BBX: variants seen among roughly 807,000 people sequenced by gnomAD.
BBX encodes the protein HMG box transcription factor BBX.
A neutral mutation model predicts 100.2 loss-of-function variants in BBX; 30 were observed. The ratio of observed to expected loss-of-function variants is 0.30; its 90% CI spans 0.22 to 0.41. The LOEUF is 0.41. BBX is among the 10% of genes least tolerant of loss of function. The pLI, the probability that BBX is intolerant of heterozygous loss-of-function variation, is 1.00. For missense variants in BBX, 1,023 were observed against 1,129.8 expected (o/e 0.91, Z 1.35); for synonymous variants, 376 against 388.1 (o/e 0.97, Z 0.37).
chr3:107,805,459 G>A lies in BBX; in HGVS notation c.*2G>A. ...CTTATTTCCTGCGCTGACCAGTGAAGCGCCCTTTCATTGTAAAACATTGTG... is the reference window on the plus strand; with the variant it reads ...CTTATTTCCTGCGCTGACCAGTGAAACGCCCTTTCATTGTAAAACATTGTG... On this transcript the variant is annotated 3_prime_UTR_variant, in exon 18 of 18. Coordinates refer to ENST00000325805, the MANE Select transcript of BBX (RefSeq NM_001142568.3). The A allele has an allele frequency of 6.2e-7, 1 of 1,614,174 alleles. No homozygotes were observed. The highest frequency in any genetic ancestry group is 8.5e-7 in the Non-Finnish European group (1 of 1,180,000).
chr3:107,649,721 A>AGGC (rs1246636864), intron 3 of BBX, among the ~76,000 whole-genome samples: 3 of 152,200 alleles, frequency 2.0e-5, no homozygotes, highest in Non-Finnish European at 4.4e-5. Flanking sequence ...ATAAGAACTT[A>AGGC]GGCATTCTTC....
intron 2 of BBX, among the ~76,000 whole-genome samples, chr3:107,634,020 C>G (rs2056707749): frequency 6.6e-6 from 1 of 152,218 alleles, no homozygotes; most frequent in Admixed American, 6.5e-5. Context: ...AGTGTTGGCT[C>G]ATATTACAAT....
intron 2 of BBX, among the ~76,000 whole-genome samples, chr3:107,613,691 T>C (rs746120651): frequency 1.3e-5 from 2 of 152,072 alleles, no homozygotes; most frequent in East Asian, 3.9e-4. Context: ...TCAATACATA[T>C]GCTTTTTGTT....
At chr3:107,791,552 G>A (rs2069039691) in intron 15 of BBX, among the ~76,000 whole-genome samples, 2 of 152,174 alleles carry the variant, frequency 1.3e-5, no homozygotes, top group South Asian at 2.1e-4. Context: ...ATTAATCAGA[G>A]ATTGGAGTTT....
chr3:107,791,956 G>C (rs1327460515), intron 15 of BBX, among the ~76,000 whole-genome samples: 1 of 152,144 alleles, frequency 6.6e-6, no homozygotes, highest in Non-Finnish European at 1.5e-5. Context: ...AGCCAAGATC[G>C]TACCACTGCA....
intron 2 of BBX, among the ~76,000 whole-genome samples, chr3:107,565,619 A>G (rs1454512932): frequency 6.6e-6 from 1 of 151,500 alleles, no homozygotes; most frequent in Non-Finnish European, 1.5e-5. Context: ...ACAGATGCCC[A>G]CCACCATGCC....
At chr3:107,779,764 C>T (rs1421193818) in intron 13 of BBX, among the ~76,000 whole-genome samples, 1 of 151,988 alleles carries the variant, frequency 6.6e-6, no homozygotes, top group Non-Finnish European at 1.5e-5. Flanking sequence ...GAAACCTGAA[C>T]CTTTCTCCTT....
intron 3 of BBX, chr3:107,684,694 A>G (rs936135746): frequency 8.5e-5 from 13 of 152,334 alleles, no homozygotes; most frequent in African/African-American, 2.6e-4. Context: ...TGAATCATCA[A>G]TGTCAGCTAT....
chr3:107,564,566 C>T (rs1319612847), intron 2 of BBX, among the ~76,000 whole-genome samples: 3 of 152,132 alleles, frequency 2.0e-5, no homozygotes. Context: ...CTTTTTGTCC[C>T]TCCCATCATC....
At chr3:107,661,576 A>C (rs1476698685) in intron 3 of BBX, among the ~76,000 whole-genome samples, 1 of 152,202 alleles carries the variant, frequency 6.6e-6, no homozygotes, top group African/African-American at 2.4e-5. Context: ...TGACGGTATC[A>C]CAGATTTAGT....
intron 3 of BBX, among the ~76,000 whole-genome samples, chr3:107,670,423 T>C (rs1036616647): frequency 1.6e-4 from 24 of 152,204 alleles, no homozygotes; most frequent in Non-Finnish European, 2.5e-4. Flanking sequence ...AAGGAAGATA[T>C]TGAATGTTCC....
At chr3:107,628,249 A>T (rs757459204) in intron 2 of BBX, among the ~76,000 whole-genome samples, 1 of 152,118 alleles carries the variant, frequency 6.6e-6, no homozygotes, top group Non-Finnish European at 1.5e-5. Flanking sequence ...ATAGAAAGGT[A>T]TAAAGGATTC....
chr3:107,789,650 A>G, intron 13 of BBX, 137 bp from the exon 14 acceptor site: 1 of 587,882 alleles, frequency 1.7e-6, no homozygotes, highest in Non-Finnish European at 2.9e-6. Context: ...AAGTAGGTGA[A>G]GATGCAAGAT....
At chr3:107,634,820 C>T (rs902865681) in intron 2 of BBX, among the ~76,000 whole-genome samples, 18 of 152,172 alleles carry the variant, frequency 1.2e-4, no homozygotes, top group African/African-American at 4.1e-4. Flanking sequence ...TTTAATGATT[C>T]CTTTCTTTCT....
intron 2 of BBX, among the ~76,000 whole-genome samples, chr3:107,617,334 T>C (rs1227679291): frequency 2.0e-5 from 3 of 152,228 alleles, no homozygotes; most frequent in Admixed American, 6.5e-5. Flanking sequence ...CCTCACACTT[T>C]ATTCATTTTT....
chr3:107,614,898 T>C (rs1328467786), intron 2 of BBX, among the ~76,000 whole-genome samples: 2 of 152,046 alleles, frequency 1.3e-5, no homozygotes, highest in South Asian at 2.1e-4. Context: ...AAAAATCTTA[T>C]TATGGCTGGA....
intron 5 of BBX, among the ~76,000 whole-genome samples, chr3:107,723,943 G>A (rs552844036): frequency 6.6e-6 from 1 of 152,264 alleles, no homozygotes; most frequent in African/African-American, 2.4e-5. Flanking sequence ...GGATGGCTGG[G>A]TCAAATGGTA....
At chr3:107,596,450 A>G (rs1468961985) in intron 2 of BBX, among the ~76,000 whole-genome samples, 1 of 152,172 alleles carries the variant, frequency 6.6e-6, no homozygotes, top group African/African-American at 2.4e-5. Context: ...GGTATTAACA[A>G]TTTTTTATGG....
At chr3:107,769,262 G>A (rs1329811883) in intron 10 of BBX, among the ~76,000 whole-genome samples, 1 of 151,602 alleles carries the variant, frequency 6.6e-6, no homozygotes, top group African/African-American at 2.4e-5. Context: ...TAATCTGATA[G>A]ATAGAAAAAA....
Sources: allele counts gnomAD v4.1 joint callset (sites outside exome capture counted in the v4.1 genomes callset), GRCh38; gene constraint gnomAD v4.1.1; transcripts MANE v1.5; gene names NCBI Gene and HGNC (gene_info 2026-07-23, HGNC 2026-07-21).